The following GON4L variants were observed in gnomAD, a reference collection of about 807,000 sequenced individuals.
GON4L encodes gon-4 like.
Under a neutral mutation model 211.8 loss-of-function variants are expected in GON4L, and 87 were observed. The ratio of observed to expected loss-of-function variants is 0.41; its 90% CI spans 0.35 to 0.49. The LOEUF (loss-of-function observed/expected upper bound fraction) is 0.49. GON4L is among the 20% of genes least tolerant of loss of function. The pLI is 0.15. For missense variants in GON4L, 2,155 were observed against 2,659.5 expected (o/e 0.81, Z 4.17); for synonymous variants, 875 against 962.6 (o/e 0.91, Z 1.68).
At chr1:155,851,478 G>T (rs990075252) in intron 2 of GON4L, among the ~76,000 whole-genome samples, 1 of 152,064 alleles carries the variant, frequency 6.6e-6, no homozygotes, top group Admixed American at 6.6e-5. Flanking sequence ...CACTTTGGGA[G>T]GCTGAGGCAG....
At chr1:155,831,848 G>T (rs1440241036) in intron 2 of GON4L, among the ~76,000 whole-genome samples, 1 of 151,946 alleles carries the variant, frequency 6.6e-6, no homozygotes, top group African/African-American at 2.4e-5. Flanking sequence ...CGTACCACTG[G>T]ACTATAGCCT....
intron 18 of GON4L, among the ~76,000 whole-genome samples, chr1:155,772,679 G>C (rs1663326260): frequency 6.6e-6 from 1 of 152,038 alleles, no homozygotes; most frequent in Non-Finnish European, 1.5e-5. Context: ...AGGATCGCTT[G>C]ATGTCAGGAG....
chr1:155,836,354 T>C (rs1670312113), intron 2 of GON4L, among the ~76,000 whole-genome samples: 1 of 150,554 alleles, frequency 6.6e-6, no homozygotes, highest in Admixed American at 6.7e-5. Context: ...GTTCAAGCGA[T>C]TCTCCTGCTT....
chr1:155,764,501 G>A (rs1035508542), intron 21 of GON4L: 3 of 261,022 alleles, frequency 1.1e-5, no homozygotes, highest in South Asian at 4.0e-5. Context: ...GAGCAATGAC[G>A]TGATCTCGGC....
intron 11 of GON4L, among the ~76,000 whole-genome samples, chr1:155,802,175 A>G (rs1281645452): frequency 3.3e-5 from 5 of 152,196 alleles, no homozygotes; most frequent in South Asian, 4.1e-4. Flanking sequence ...TGGGGAACCA[A>G]ACTTGAACCT....
chr1:155,816,760 C>CTT (rs11381169), intron 6 of GON4L, among the ~76,000 whole-genome samples: 34 of 44,232 alleles, frequency 7.7e-4, no homozygotes, highest in African/African-American at 2.2e-3. Context: ...TGCCTATGGG[C>CTT]TTTTTTTTTT....
intron 2 of GON4L, among the ~76,000 whole-genome samples, chr1:155,844,494 C>T (rs1158313010): frequency 2.0e-5 from 3 of 152,102 alleles, no homozygotes; most frequent in Non-Finnish European, 2.9e-5. Flanking sequence ...GAGTGGCTCA[C>T]GCCTGTAATA....
chr1:155,757,252 G>A lies in GON4L; in HGVS notation c.5325C>T (p.Asp1775=), dbSNP rs1218045426. The A allele has an allele frequency of 1.2e-6, 2 of 1,613,944 alleles. No individual in the cohort carries two copies. The highest frequency in any genetic ancestry group is 2.2e-5 in the South Asian group (2 of 91,074). ...HLQDEFSIFF[D]HLRPAASRMG... ...TCCGGCTAGCTGCTGGGCGCAAGTG[G>A]TCAAAGAAGATAGAAAACTCATCCT... is the stretch of plus-strand genomic sequence containing the variant. Residue 1775 remains aspartate, a synonymous_variant, in exon 26 of 32, where the codon GAC becomes GAT. Transcript: ENST00000368331.
At chr1:155,761,900 G>A (rs759730306) in intron 23 of GON4L, among the ~76,000 whole-genome samples, 8 of 152,202 alleles carry the variant, frequency 5.3e-5, no homozygotes, top group South Asian at 2.1e-4. Context: ...CCTTATCAGC[G>A]CACCCAGTAA....
intron 3 of GON4L, among the ~76,000 whole-genome samples, chr1:155,826,258 T>C (rs775591848): frequency 3.9e-4 from 59 of 150,338 alleles, no homozygotes; most frequent in Non-Finnish European, 7.3e-4. Context: ...TCCATTCAAA[T>C]AAAAGACAAA....
intron 3 of GON4L, among the ~76,000 whole-genome samples, chr1:155,826,158 C>T (rs1169206944): frequency 6.6e-6 from 1 of 151,984 alleles, no homozygotes; most frequent in African/African-American, 2.4e-5. Context: ...CCACAGTAAG[C>T]CGTGATGGCA....
intron 3 of GON4L, among the ~76,000 whole-genome samples, chr1:155,824,000 C>T (rs1054857960): frequency 1.3e-5 from 2 of 152,070 alleles, no homozygotes; most frequent in East Asian, 3.8e-4. Context: ...TTTAAGGATG[C>T]CCAAACTTAT....
rs181503105 is a variant in GON4L at position 155,761,622 on chromosome 1, C to T, written c.4911+568G>A. On this transcript the variant is annotated intron_variant, in intron 23 of 31. Coordinates refer to ENST00000368331, the MANE Select transcript of GON4L (RefSeq NM_001282860.2). Reference sequence around the variant, plus strand: ...GTGATTCTTGTGCCTCAGCCTCCCCCGTAGCTAGGATTACAGGCGCCCACC... The same window carrying T: ...GTGATTCTTGTGCCTCAGCCTCCCCTGTAGCTAGGATTACAGGCGCCCACC... Among the ~76,000 whole-genome samples the T allele has an allele frequency of 2.6e-4, 40 of 151,788 alleles. No individual in the cohort carries two copies. In the East Asian group the frequency reaches 7.4e-3, roughly 28 times the overall value.
rs1667982875 is a variant in GON4L at position 155,813,644 on chromosome 1, T to G, written c.1442A>C (p.Asp481Ala). 1 of 1,610,446 alleles carries G rather than the reference T, an allele frequency of 6.2e-7. No homozygotes were observed. Among genetic ancestry groups the G allele is most frequent in the Non-Finnish European group, 8.5e-7 (1 of 1,176,736 alleles). Reference sequence around the variant, plus strand: ...AGTTTTAATATTTACCTGGAAAGAATCCATGCAGACTGGACTGGAAGCCAG... The same window carrying G: ...AGTTTTAATATTTACCTGGAAAGAAGCCATGCAGACTGGACTGGAAGCCAG... ...EELASSPVCM[D>A]SFQPMDDSLI... The change falls in exon 10 of 32, where the codon GAT (aspartate) becomes GCT (alanine). Residue 481 changes from aspartate to alanine, a missense_variant. By Grantham distance (126) the Asp-to-Ala change is moderately radical. This residue lies in a region of GON4L where 551 missense variants were observed against 854.0 expected (regional missense o/e 0.65). Transcript: ENST00000368331.
intron 2 of GON4L, among the ~76,000 whole-genome samples, chr1:155,839,279 T>G (rs1175477271): frequency 6.6e-6 from 1 of 151,932 alleles, no homozygotes; most frequent in African/African-American, 2.4e-5. Context: ...GAAAGAATCC[T>G]GCAGATCTCA....
chr1:155,773,096 T>C lies in GON4L; in HGVS notation c.2465A>G (p.Asp822Gly). The C allele has an allele frequency of 6.2e-7, 1 of 1,612,708 alleles. No homozygotes were observed. Among genetic ancestry groups the C allele is most frequent in the South Asian group, 1.1e-5 (1 of 91,038 alleles). The change falls in exon 18 of 32, where the codon GAT becomes GGT. Residue 822 changes from aspartate (D) to glycine (G), a missense_variant. Around this residue, in one of 6 missense-constraint regions of GON4L, gnomAD observed 551 missense variants for 854.0 expected, o/e 0.65. Coordinates refer to ENST00000368331, the MANE Select transcript of GON4L (RefSeq NM_001282860.2). ...CTCAGCCTTGGTGAAGACGATCTTA[T>C]CCTGGGGATTCTTTGCCTTCAGGGA... is the stretch of plus-strand genomic sequence containing the variant. The part of the protein sequence containing the change: ...VCSLKAKNPQ[D>G]KIVFTKAEDN...
At chr1:155,834,193 GATC>G (rs1215481869) in intron 2 of GON4L, among the ~76,000 whole-genome samples, 1 of 152,094 alleles carries the variant, frequency 6.6e-6, no homozygotes, top group Non-Finnish European at 1.5e-5. Flanking sequence ...TACTCTCCAA[GATC>G]ATCAATCTTC....
At chr1:155,845,435 G>T in intron 2 of GON4L, 1 of 344,698 alleles carries the variant, frequency 2.9e-6, no homozygotes, top group South Asian at 2.5e-5. Context: ...CAATGTGGTG[G>T]ATCATTTCAA....
At chr1:155,848,644 A>G (rs1157809253) in intron 2 of GON4L, among the ~76,000 whole-genome samples, 4 of 152,172 alleles carry the variant, frequency 2.6e-5, no homozygotes, top group Non-Finnish European at 5.9e-5. Context: ...GTATATATTT[A>G]TGGTTGTTTT....
Sources: gnomAD v4.1 joint callset for allele counts (sites outside exome capture counted in the v4.1 genomes callset) on GRCh38, gnomAD v4.1.1 for gene constraint, gnomAD v4.1.1 regional missense constraint, MANE v1.5 for transcripts, NCBI Gene and HGNC (gene_info 2026-07-23, HGNC 2026-07-21) for gene names.